The following STRIP1 variants were observed in gnomAD, a reference collection of about 807,000 sequenced individuals.
STRIP1 encodes the protein striatin interacting protein 1.
A neutral mutation model predicts 106.2 loss-of-function variants in STRIP1; 63 were observed. That is an observed-to-expected ratio of 0.59 (90% CI 0.48 to 0.73). STRIP1 has a LOEUF of 0.73. STRIP1 is among the 30% of genes least tolerant of loss of function. The pLI is 0.00. For missense variants in STRIP1, 857 were observed against 1,074.8 expected (o/e 0.80, Z 2.83); for synonymous variants, 390 against 413.0 (o/e 0.94, Z 0.67).
upstream of STRIP1, chr1:110,034,623 T>C (rs747853731): frequency 7.9e-6 from 12 of 1,510,924 alleles, no homozygotes; most frequent in African/African-American, 2.9e-5. Context: ...AAGCTGGGGG[T>C]GTGGAGCAGC....
intron 5 of STRIP1, chr1:110,039,919 A>G (rs1652678088): frequency 7.7e-7 from 1 of 1,292,724 alleles, no homozygotes; most frequent in South Asian, 1.2e-5. Flanking sequence ...TGCCTGTGTC[A>G]CCTTTGTCCA....
At chr1:110,050,530 C>T in intron 18 of STRIP1, 121 bp downstream of exon 18, 1 of 951,320 alleles carries the variant, frequency 1.1e-6, no homozygotes. Flanking sequence ...CTGTGGAGTG[C>T]CCGGCTTTTA....
chr1:110,051,956 C>A, intron 20 of STRIP1, 69 bp downstream of exon 20: 1 of 1,508,894 alleles, frequency 6.6e-7, no homozygotes, highest in Non-Finnish European at 9.1e-7. Flanking sequence ...TCACTCCCTG[C>A]CCGTGGTACT....
chr1:110,040,056 G>C, intron 5 of STRIP1: 1 of 489,018 alleles, frequency 2.0e-6, no homozygotes, highest in South Asian at 1.6e-5. Context: ...TCATGTTAAG[G>C]ATATAGGTAC....
intron 20 of STRIP1, among the ~76,000 whole-genome samples, chr1:110,052,384 C>T (rs1653339702): frequency 1.3e-5 from 2 of 152,218 alleles, no homozygotes; most frequent in Admixed American, 1.3e-4. Context: ...GCCTTAGCCT[C>T]CTGAGTAGCT....
intron 1 of STRIP1, among the ~76,000 whole-genome samples, chr1:110,036,574 C>T (rs944303668): frequency 1.3e-5 from 2 of 152,292 alleles, no homozygotes; most frequent in African/African-American, 2.4e-5. Context: ...CATGATCTTT[C>T]TTTAGTCATA....
intron 9 of STRIP1, 59 bp from the exon 10 acceptor site, chr1:110,043,580 C>G: frequency 6.9e-7 from 1 of 1,459,158 alleles, no homozygotes; most frequent in Non-Finnish European, 9.5e-7. Context: ...CCTCTGGCTG[C>G]ACTTCCCTGG....
Position 110,034,656 on chromosome 1 carries a change from G to C in STRIP1, c.19G>C (p.Gly7Arg). ...AGCCAAGATGGAGCCGGCAGTCGGC[G>C]GTCCGGGCCCACTGATCGTGAACAA... MEPAVGGPGPLIVNNKQ... is the reference protein window; with the variant it reads MEPAVGRPGPLIVNNKQ... Residue 7 changes from glycine (G) to arginine (R), a missense_variant, in exon 1 of 21, where the codon GGT (glycine) becomes CGT (arginine). Around this residue, in one of 2 missense-constraint regions of STRIP1, gnomAD observed 107 missense variants for 85.1 expected, o/e 1.26. Transcript: ENST00000369795. 1 of 1,521,380 alleles carries C rather than the reference G, an allele frequency of 6.6e-7. No homozygotes were observed. The highest frequency in any genetic ancestry group is 8.8e-7 in the Non-Finnish European group (1 of 1,135,568). 94.2% of individuals were successfully genotyped at this position (1,521,380 alleles called of 1,614,324 possible). A position where few individuals can be genotyped will look rare whatever the true frequency, so the allele number is the denominator to read the frequency against.
intron 18 of STRIP1, among the ~76,000 whole-genome samples, chr1:110,050,712 G>T (rs1052347474): frequency 6.6e-6 from 1 of 152,216 alleles, no homozygotes; most frequent in African/African-American, 2.4e-5. Flanking sequence ...CTCTGGGGCA[G>T]CCCAAGGCCA....
chr1:110,051,983 C>G, intron 20 of STRIP1, 96 bp downstream of exon 20: 1 of 1,305,032 alleles, frequency 7.7e-7, no homozygotes, highest in East Asian at 2.5e-5. Flanking sequence ...CTTCTCTGCC[C>G]TGAGCTTCCC....
chr1:110,043,786 C>A lies in STRIP1; in HGVS notation c.1216C>A (p.Pro406Thr). ...CCTGGAACGGGATGAAGTGATGCCTCCCCCGCTACAGCACCCACAGACTGA... is the reference window on the plus strand; with the variant it reads ...CCTGGAACGGGATGAAGTGATGCCTACCCCGCTACAGCACCCACAGACTGA... Reference protein sequence around the residue: ...FPLERDEVMPPPLQHPQTDRL... With the variant: ...FPLERDEVMPTPLQHPQTDRL... Residue 406 changes from proline (P) to threonine (T), a missense_variant, in exon 10 of 21, where the codon CCC becomes ACC. Around this residue, in one of 2 missense-constraint regions of STRIP1, gnomAD observed 750 missense variants for 989.8 expected, o/e 0.76. Transcript: ENST00000369795. The A allele has an allele frequency of 6.2e-7, 1 of 1,614,160 alleles. No individual in the cohort carries two copies. The highest frequency in any genetic ancestry group is 8.5e-7 in the Non-Finnish European group (1 of 1,180,028).
At chr1:110,044,295 A>G (rs1374637334) in intron 10 of STRIP1, among the ~76,000 whole-genome samples, 1 of 152,234 alleles carries the variant, frequency 6.6e-6, no homozygotes, top group Non-Finnish European at 1.5e-5. Flanking sequence ...ACCTGGAGAT[A>G]TATAAATGGT....
Position 110,054,012 on chromosome 1 carries a change from G to GT in STRIP1, c.*101dup. ...CTGCAGTGCTCCCATCCCCCACCAG[G>GT]TGGCAGCACAGCCCCACTGTGTCTT... is the stretch of plus-strand genomic sequence containing the variant. On this transcript the variant is annotated 3_prime_UTR_variant, in exon 21 of 21. Coordinates refer to ENST00000369795, the MANE Select transcript of STRIP1 (RefSeq NM_033088.4). 1.4e-6 allele frequency: 2 copies of GT among 1,453,606 alleles called. No individual in the cohort carries two copies. Among genetic ancestry groups the GT allele is most frequent in the Non-Finnish European group, 9.4e-7 (1 of 1,062,596 alleles). The allele number at this position is 1,453,606 out of a possible 1,614,324, so 90.0% of individuals were successfully genotyped here. A position where few individuals can be genotyped will look rare whatever the true frequency, so the allele number is the denominator to read the frequency against.
At chr1:110,046,494 C>T (rs555199795) in intron 12 of STRIP1, among the ~76,000 whole-genome samples, 186 bp from the exon 13 acceptor site, 1 of 151,996 alleles carries the variant, frequency 6.6e-6, no homozygotes, top group Middle Eastern at 3.4e-3. Context: ...AGGAAGACTT[C>T]ATCTCAAAAA....
chr1:110,048,489 C>G (rs1156656468), intron 15 of STRIP1, among the ~76,000 whole-genome samples: 1 of 152,200 alleles, frequency 6.6e-6, no homozygotes, highest in Admixed American at 6.5e-5. Context: ...GCTGTGGCCC[C>G]GGAGTATGGC....
chr1:110,043,315 T>C, intron 9 of STRIP1, 45 bp downstream of exon 9: 1 of 1,577,456 alleles, frequency 6.3e-7, no homozygotes. Context: ...GCCCTCAAGG[T>C]GCATGCTTGC....
chr1:110,042,910 C>A, intron 8 of STRIP1, 178 bp from the exon 9 acceptor site: 1 of 595,952 alleles, frequency 1.7e-6, no homozygotes, highest in Non-Finnish European at 2.9e-6. Context: ...TCTCCTTTCC[C>A]TTGCGGATGT....
intron 20 of STRIP1, among the ~76,000 whole-genome samples, chr1:110,052,494 G>T (rs1313373828): frequency 7.9e-5 from 12 of 151,824 alleles, no homozygotes; most frequent in African/African-American, 2.9e-4. Context: ...TTTCTTTTGA[G>T]ACAGAGATTC....
In STRIP1 at chr1:110,039,396, C is replaced by T; in HGVS notation, c.462C>T (p.Gly154=). 6.2e-7 allele frequency: 1 copy of T among 1,614,138 alleles called. No homozygotes were observed. The highest frequency in any genetic ancestry group is 8.5e-7 in the Non-Finnish European group (1 of 1,180,012). ...AGTGAGTTGAACCCTGCATTGCAGG[C>T]ACGTTTGGGGAGTGCAGCTCGGAGG... ...VARAILYVAQ[G]TFGECSSEAE... The change falls in exon 5 of 21, where the codon GGC becomes GGT. Residue 154 remains glycine, a splice_region_variant and synonymous_variant. Transcript: ENST00000369795.
Sources: allele counts gnomAD v4.1 joint callset (sites outside exome capture counted in the v4.1 genomes callset), GRCh38; gene constraint gnomAD v4.1.1; regional missense constraint gnomAD v4.1.1; transcripts MANE v1.5; gene names NCBI Gene and HGNC (gene_info 2026-07-23, HGNC 2026-07-21).